Variants in GAS7 observed in about 807,000 individuals in gnomAD.
GAS7 encodes the protein growth arrest-specific protein 7.
Under a neutral mutation model 71.1 loss-of-function variants are expected in GAS7, and 28 were observed. That is an observed-to-expected ratio of 0.39 (90% confidence interval 0.29 to 0.54). The LOEUF (loss-of-function observed/expected upper bound fraction) is 0.54, where lower values mean the gene tolerates loss of function less well. GAS7 is among the 20% of genes least tolerant of loss of function. The probability of loss-of-function intolerance (pLI) is 0.62; values close to 1 mark genes in which losing one functional copy is unlikely to be tolerated. For synonymous variants in GAS7, 258 were observed against 245.8 expected (o/e 1.05, Z -0.46); for missense variants, 436 against 627.8 (o/e 0.69, Z 3.27).
chr17:10,027,334 A>C (rs2072490798), intron 1 of GAS7, among the ~76,000 whole-genome samples: 1 of 152,238 alleles, frequency 6.6e-6, no homozygotes, highest in African/African-American at 2.4e-5. Context: ...CCAAATAAGC[A>C]GACAGGGAAT....
chr17:10,138,771 A>G (rs765009691), intron 1 of GAS7, among the ~76,000 whole-genome samples: 1 of 152,168 alleles, frequency 6.6e-6, no homozygotes, highest in Non-Finnish European at 1.5e-5. Flanking sequence ...CGTCTCAAAA[A>G]AAAACAAAAA....
chr17:10,007,274 G>T (rs2071574153), intron 2 of GAS7, among the ~76,000 whole-genome samples: 1 of 152,024 alleles, frequency 6.6e-6, no homozygotes, highest in Non-Finnish European at 1.5e-5. Context: ...AGGTATTTCT[G>T]ACACCCACCA....
chr17:10,117,179 T>C (rs2073868397), intron 1 of GAS7, among the ~76,000 whole-genome samples: 1 of 152,054 alleles, frequency 6.6e-6, no homozygotes, highest in African/African-American at 2.4e-5. Flanking sequence ...GCCCACCCAC[T>C]TTCCCTGGCT....
chr17:10,163,198 C>T (rs1319508416), intron 1 of GAS7, among the ~76,000 whole-genome samples: 1 of 152,158 alleles, frequency 6.6e-6, no homozygotes, highest in East Asian at 1.9e-4. Flanking sequence ...GCAACCTCTG[C>T]CTCCCGGGTT....
At chr17:10,191,823 C>T (rs557587654) in intron 1 of GAS7, among the ~76,000 whole-genome samples, 8 of 146,536 alleles carry the variant, frequency 5.5e-5, no homozygotes, top group African/African-American at 1.0e-4. Context: ...TGTAGTGAGC[C>T]GAGATCACGC....
chr17:9,935,412 C>T (rs1316588271), intron 8 of GAS7, among the ~76,000 whole-genome samples: 1 of 152,240 alleles, frequency 6.6e-6, no homozygotes, highest in East Asian at 1.9e-4. Flanking sequence ...CCGCATGACC[C>T]TTCCAAGTGA....
chr17:10,189,667 A>G (rs1233673886), intron 1 of GAS7, among the ~76,000 whole-genome samples: 1 of 152,170 alleles, frequency 6.6e-6, no homozygotes, highest in Non-Finnish European at 1.5e-5. Flanking sequence ...GGCTGGGCAC[A>G]GTGGCTCAAG....
rs959912226 is a variant in GAS7 at position 9,913,759 on chromosome 17, G to T, written c.*3469C>A. Reference sequence around the variant, plus strand: ...TGCCACTGACTGAAAGCACTAGAAAGAATAGAGGGTAACAAGTGGCTCTTC... The same window carrying T: ...TGCCACTGACTGAAAGCACTAGAAATAATAGAGGGTAACAAGTGGCTCTTC... On this transcript the variant is annotated 3_prime_UTR_variant, in exon 14 of 14. Coordinates refer to ENST00000432992, the MANE Select transcript of GAS7 (RefSeq NM_201433.2). The T allele has an allele frequency of 4.3e-6, 1 of 231,804 alleles. No homozygotes were observed. The allele number at this position is 231,804 out of a possible 1,614,324, so 14.4% of individuals were successfully genotyped here.
chr17:10,019,997 G>A (rs182053704), intron 1 of GAS7, 100 bp from the exon 2 acceptor site: 2 of 1,176,934 alleles, frequency 1.7e-6, no homozygotes, highest in East Asian at 4.7e-5. Context: ...ACAGTAGCGT[G>A]ACATTGGGAA....
In GAS7 at chr17:9,947,123, C is replaced by T. The variant is rs62064532; in HGVS notation, c.526-140G>A. Reference sequence around the variant, plus strand: ...CAGGGATCTTCCCGTGCTCCAGGGGCCAGCATTTCACATGAGCGGCAACAG... The same window carrying T: ...CAGGGATCTTCCCGTGCTCCAGGGGTCAGCATTTCACATGAGCGGCAACAG... On this transcript the variant is annotated intron_variant, in intron 5 of 13. Coordinates refer to ENST00000432992, the MANE Select transcript of GAS7 (RefSeq NM_201433.2). 0.16 allele frequency: 89,716 copies of T among 571,296 alleles called. 7,869 individuals carry two copies. Among genetic ancestry groups the T allele is most frequent in the Non-Finnish European group, 0.18 (56,037 of 314,972 alleles). The allele number at this position is 571,296 out of a possible 1,614,324, so 35.4% of individuals were successfully genotyped here.
intron 1 of GAS7, among the ~76,000 whole-genome samples, chr17:10,184,546 T>C (rs1006097620): frequency 6.6e-6 from 1 of 152,222 alleles, no homozygotes; most frequent in African/African-American, 2.4e-5. Flanking sequence ...GGTATTCAAA[T>C]GCCTTGCTAC....
intron 1 of GAS7, among the ~76,000 whole-genome samples, chr17:10,192,436 C>T (rs1420366960): frequency 1.3e-5 from 2 of 152,174 alleles, no homozygotes; most frequent in Non-Finnish European, 2.9e-5. Flanking sequence ...AAAACATTTT[C>T]TTTCACCAGC....
chr17:9,924,528 C>CCCA (rs67852042), intron 11 of GAS7: 4 of 41,890 alleles, frequency 9.5e-5, no homozygotes, highest in Non-Finnish European at 1.8e-4. Flanking sequence ...CCCTTCTGTG[C>CCCA]CCCCCCTTCT....
intron 2 of GAS7, among the ~76,000 whole-genome samples, chr17:9,990,652 C>G (rs548390105): frequency 4.7e-4 from 72 of 152,308 alleles, no homozygotes; most frequent in African/African-American, 1.6e-3. Context: ...GAGGCAGAAG[C>G]ATGTCCTTCA....
chr17:9,924,043 G>A (rs1302991767), intron 11 of GAS7, among the ~76,000 whole-genome samples: 1 of 152,204 alleles, frequency 6.6e-6, no homozygotes, highest in Non-Finnish European at 1.5e-5. Context: ...TAGATTGTAT[G>A]ATCAAATGTA....
At chr17:9,934,501 G>A (rs547513862) in intron 8 of GAS7, among the ~76,000 whole-genome samples, 8 of 152,116 alleles carry the variant, frequency 5.3e-5, no homozygotes, top group South Asian at 2.1e-4. Flanking sequence ...CAAGAGGTGG[G>A]GGGGGTGGGG....
At chr17:10,186,764 T>C (rs1051873195) in intron 1 of GAS7, among the ~76,000 whole-genome samples, 6 of 152,294 alleles carry the variant, frequency 3.9e-5, no homozygotes, top group African/African-American at 1.2e-4. Context: ...GGCTCATGCC[T>C]ATACTCCCAA....
In GAS7 at chr17:9,969,546, C is replaced by A; in HGVS notation, c.471+131G>T. ...AGGGAACACTGAAACAACCCAGACA[C>A]AGCAACCACTTTCTACCTGGGGGCA... On this transcript the variant is annotated intron_variant, in intron 4 of 13. Transcript: ENST00000432992. This position sits in a 1 kb window ranked among gnomAD's most constrained non-coding sequence, Gnocchi z 5.5. The A allele has an allele frequency of 1.6e-6, 1 of 638,650 alleles. No individual in the cohort carries two copies. 39.6% of individuals were successfully genotyped at this position (638,650 alleles called of 1,614,324 possible).
Position 10,034,465 on chromosome 17 carries a change from C to A in GAS7, c.184-14568G>T, listed in dbSNP as rs950405877. On this transcript the variant is annotated intron_variant, in intron 1 of 13. Transcript: ENST00000432992. This position sits in a 1 kb window ranked among gnomAD's most constrained non-coding sequence, Gnocchi z 4.4. ...CTGGGATTACAGGCACCTATCACCA[C>A]GCCTGGCTAATTTTTGTATTTTTAG... Among the ~76,000 whole-genome samples the A allele has an allele frequency of 3.3e-5, 5 of 151,968 alleles. No homozygotes were observed. The highest frequency in any genetic ancestry group is 1.2e-4 in the African/African-American group (5 of 41,356).
Sources: allele counts gnomAD v4.1 joint callset (sites outside exome capture counted in the v4.1 genomes callset), GRCh38; gene constraint gnomAD v4.1.1; non-coding constraint Gnocchi (gnomAD v3.1); transcripts MANE v1.5; gene names NCBI Gene and HGNC (gene_info 2026-07-23, HGNC 2026-07-21).